The following WDR41 variants were observed in gnomAD, a reference collection of about 807,000 sequenced individuals.
WDR41 encodes the protein WD repeat-containing protein 41.
A neutral mutation model predicts 69.3 loss-of-function variants in WDR41; 63 were observed. That is an observed-to-expected ratio of 0.91 (90% CI 0.74 to 1.12). The LOEUF is 1.12. Ranked by LOEUF, WDR41 falls within the 50% of genes most tolerant of loss-of-function variation. The probability of loss-of-function intolerance (pLI) is 0.00; values close to 1 mark genes in which losing one functional copy is unlikely to be tolerated. For synonymous variants in WDR41, 185 were observed against 192.1 expected (o/e 0.96, Z 0.31); for missense variants, 543 against 534.5 (o/e 1.02, Z -0.16).
intron 1 of WDR41, among the ~76,000 whole-genome samples, chr5:77,608,474 C>T (rs928997958): frequency 6.6e-6 from 1 of 152,072 alleles, no homozygotes; most frequent in Non-Finnish European, 1.5e-5. Flanking sequence ...TTACTATGTC[C>T]CATGTAGATA....
intron 1 of WDR41, among the ~76,000 whole-genome samples, chr5:77,563,621 C>T (rs1375786397): frequency 6.6e-6 from 1 of 152,088 alleles, no homozygotes; most frequent in Admixed American, 6.6e-5. Flanking sequence ...TACTATGTAC[C>T]AGGCACTAGA....
At chr5:77,486,937 C>T (rs1801552289) in intron 2 of WDR41, among the ~76,000 whole-genome samples, 8 of 152,184 alleles carry the variant, frequency 5.3e-5, no homozygotes, top group Admixed American at 5.2e-4. Context: ...TTACTCTTTA[C>T]AGAATATTTA....
chr5:77,584,225 G>A (rs541021541), intron 1 of WDR41, among the ~76,000 whole-genome samples: 2 of 152,256 alleles, frequency 1.3e-5, no homozygotes, highest in Admixed American at 1.3e-4. Flanking sequence ...CATTGTACTG[G>A]AGGTTACAGG....
At chr5:77,488,550 T>A in intron 2 of WDR41, among the ~76,000 whole-genome samples, 1 of 131,120 alleles carries the variant, frequency 7.6e-6, no homozygotes, top group African/African-American at 2.7e-5. Flanking sequence ...ATCCATGGAG[T>A]GAAAAAAAAC....
At chr5:77,589,411 C>T (rs1744097116) in intron 1 of WDR41, among the ~76,000 whole-genome samples, 1 of 152,030 alleles carries the variant, frequency 6.6e-6, no homozygotes, top group Admixed American at 6.6e-5. Flanking sequence ...GATTGCATTA[C>T]ATTAAAAAAC....
chr5:77,614,253 C>G (rs1375180345), intron 1 of WDR41, among the ~76,000 whole-genome samples: 18 of 150,552 alleles, frequency 1.2e-4, no homozygotes, highest in Admixed American at 1.2e-3. Flanking sequence ...CCTCAGGGAT[C>G]TAGAACTAGA....
chr5:77,440,813 C>G lies in WDR41; in HGVS notation c.882G>C (p.Glu294Asp). Residue 294 changes from glutamate (E) to aspartate (D), a missense_variant and splice_region_variant, in exon 9 of 13, where the codon GAG becomes GAC. Physicochemically the swap from Glu to Asp is conservative, Grantham distance 45. Coordinates refer to ENST00000296679, the MANE Select transcript of WDR41 (RefSeq NM_018268.4). The part of the protein sequence containing the change: ...ISIHHFTCDE[E>D]NVFAAVGRGL... ...TATAGATAGTGTATACATTTTTTAC[C>G]TCTTCATCACATGTGAAATGATGAA... 1.9e-6 allele frequency: 3 copies of G among 1,613,490 alleles called. No individual in the cohort carries two copies. The highest frequency in any genetic ancestry group is 2.5e-6 in the Non-Finnish European group (3 of 1,179,750).
At chr5:77,483,017 A>G (rs1168099995) in intron 2 of WDR41, among the ~76,000 whole-genome samples, 3 of 152,296 alleles carry the variant, frequency 2.0e-5, no homozygotes, top group South Asian at 4.2e-4. Context: ...CTTCTCTACC[A>G]GCAGTTTCCA....
At chr5:77,609,844 C>G (rs1744507708) in intron 1 of WDR41, among the ~76,000 whole-genome samples, 1 of 151,802 alleles carries the variant, frequency 6.6e-6, no homozygotes, top group Non-Finnish European at 1.5e-5. Context: ...AGGCTTCAGA[C>G]AATCAAACTA....
rs1799723567 is a variant in WDR41, at chr5:77,453,928, AC to A, written c.412-1del. ...TCTAGTCTCTGAAGAACAGTTAAACACTGCAAAATTTATTTGAAATGTATAT... is the reference window on the plus strand; with the variant it reads ...TCTAGTCTCTGAAGAACAGTTAAACATGCAAAATTTATTTGAAATGTATAT... On this transcript the variant is annotated splice_acceptor_variant, in intron 5 of 12. Transcript: ENST00000296679. LOFTEE classifies it high-confidence loss of function. The A allele has an allele frequency of 6.2e-7, 1 of 1,611,536 alleles. No homozygotes were observed. The highest frequency in any genetic ancestry group is 8.5e-7 in the Non-Finnish European group (1 of 1,177,878).
At chr5:77,590,358 G>T (rs768294386) in intron 1 of WDR41, among the ~76,000 whole-genome samples, 3 of 152,142 alleles carry the variant, frequency 2.0e-5, no homozygotes, top group Non-Finnish European at 2.9e-5. Flanking sequence ...CACCCAACAG[G>T]ATGTAGAGGA....
intron 1 of WDR41, among the ~76,000 whole-genome samples, chr5:77,514,599 C>T (rs1287658351): frequency 2.0e-5 from 3 of 152,164 alleles, no homozygotes; most frequent in African/African-American, 7.2e-5. Context: ...ATAGTAGACA[C>T]TCACATTTGA....
intron 1 of WDR41, among the ~76,000 whole-genome samples, chr5:77,604,674 G>T (rs1744384286): frequency 6.6e-6 from 1 of 152,140 alleles, no homozygotes; most frequent in African/African-American, 2.4e-5. Flanking sequence ...TCAGGCACAT[G>T]AAATGATAAA....
intron 1 of WDR41, chr5:77,582,490 C>T (rs1407939488): frequency 1.6e-5 from 26 of 1,600,738 alleles, no homozygotes; most frequent in Non-Finnish European, 2.2e-5. Flanking sequence ...GAAGTTTGCC[C>T]AAAAGATGCT....
At chr5:77,482,225 C>G (rs1165990091) in intron 2 of WDR41, among the ~76,000 whole-genome samples, 2 of 152,156 alleles carry the variant, frequency 1.3e-5, no homozygotes, top group Non-Finnish European at 2.9e-5. Flanking sequence ...ATCCTAGTCA[C>G]TGTATTTCAT....
chr5:77,450,107 C>G (rs1799564915), intron 7 of WDR41, among the ~76,000 whole-genome samples: 1 of 152,174 alleles, frequency 6.6e-6, no homozygotes, highest in Non-Finnish European at 1.5e-5. Flanking sequence ...TCTTCCTTTA[C>G]TGACTTTTCC....
intron 1 of WDR41, among the ~76,000 whole-genome samples, chr5:77,609,018 G>A (rs181819456): frequency 0.032 from 4,870 of 151,832 alleles, 88 homozygotes; most frequent in South Asian, 0.057. Context: ...CACCTGGCTC[G>A]GAGGGTCCTA....
intron 2 of WDR41, among the ~76,000 whole-genome samples, chr5:77,483,174 G>C (rs976549012): frequency 6.6e-6 from 1 of 151,886 alleles, no homozygotes; most frequent in African/African-American, 2.4e-5. Flanking sequence ...GTCTTACTCA[G>C]TCATCCAGGC....
At chr5:77,618,984 C>T (rs1440014660) in intron 1 of WDR41, among the ~76,000 whole-genome samples, 1 of 152,196 alleles carries the variant, frequency 6.6e-6, no homozygotes, top group Non-Finnish European at 1.5e-5. Context: ...ACCAGCAACA[C>T]TAAGATTAGA....
Sources: allele counts gnomAD v4.1 joint callset (sites outside exome capture counted in the v4.1 genomes callset), GRCh38; gene constraint gnomAD v4.1.1; transcripts MANE v1.5; gene names NCBI Gene and HGNC (gene_info 2026-07-23, HGNC 2026-07-21).